NEB: variants seen among roughly 807,000 people sequenced by gnomAD.
NEB encodes the protein nemaline myopathy type 2.
A neutral mutation model predicts 952.2 loss-of-function variants in NEB; 512 were observed. That is an observed-to-expected ratio of 0.54 (90% CI 0.50 to 0.58). The LOEUF (loss-of-function observed/expected upper bound fraction) is 0.58, where lower values mean the gene tolerates loss of function less well. Ranked by LOEUF, NEB falls within the 20% of genes least tolerant of loss-of-function variation. The pLI is 0.00. For synonymous variants in NEB, 2,900 were observed against 3,149.8 expected (o/e 0.92, Z 2.66); for missense variants, 8,428 against 9,231.1 (o/e 0.91, Z 3.56).
intron 170 of NEB, chr2:151,497,928 T>C (rs867344267): frequency 1.4e-6 from 2 of 1,460,578 alleles, no homozygotes; most frequent in African/African-American, 2.9e-5. Context: ...GAGGAAGGGC[T>C]GTCAGAGTTA....
intron 36 of NEB, among the ~76,000 whole-genome samples, chr2:151,673,278 G>A (rs990363730): frequency 6.6e-6 from 1 of 152,120 alleles, no homozygotes; most frequent in African/African-American, 2.4e-5. Context: ...TCTTGTAACA[G>A]GTCAGAACCT....
At position 151,614,312 on chromosome 2, in the gene NEB, G is replaced by T. The variant is rs763599894; in HGVS notation, c.11565C>A (p.Val3855=). The T allele has an allele frequency of 6.2e-7, 1 of 1,613,858 alleles. No homozygotes were observed. Among genetic ancestry groups the T allele is most frequent in the South Asian group, 1.1e-5 (1 of 91,076 alleles). Residue 3855 remains valine, a synonymous_variant, in exon 77 of 182, where the codon GTC becomes GTA. Coordinates refer to ENST00000397345, the MANE Select transcript of NEB (RefSeq NM_001164508.2). ...EWTCLPDQND[V]IQARKAYDLQ... Reference sequence around the variant, plus strand: ...GGTCATAGGCCTTCCGAGCCTGAATGACGTCATTCTGATCAGGCAGGCAGG... The same window carrying T: ...GGTCATAGGCCTTCCGAGCCTGAATTACGTCATTCTGATCAGGCAGGCAGG...
chr2:151,581,982 CT>C (rs898227507), intron 102 of NEB, among the ~76,000 whole-genome samples: 1 of 149,338 alleles, frequency 6.7e-6, no homozygotes, highest in Non-Finnish European at 1.5e-5. Flanking sequence ...TAAAATTATT[CT>C]TTTCCATTTA....
At chr2:151,693,711 T>C (rs907287240) in intron 20 of NEB, among the ~76,000 whole-genome samples, 20 of 152,194 alleles carry the variant, frequency 1.3e-4, no homozygotes, top group African/African-American at 4.3e-4. Context: ...CTGCAATGAA[T>C]ATATGTGTTC....
In NEB at chr2:151,692,073, C is replaced by A; in HGVS notation, c.2092G>T (p.Ala698Ser). ...PYHTHCMKVA[A>S]QNSDKSYKAE... ...TTCAAACTTACATCACTGTTTTGAG[C>A]TGCAACTTTCATGCAGTGTGTGTGA... The change falls in exon 22 of 182, where the codon GCT becomes TCT. Residue 698 changes from alanine (A) to serine (S), a missense_variant. Coordinates refer to ENST00000397345, the MANE Select transcript of NEB (RefSeq NM_001164508.2). 6.2e-7 allele frequency: 1 copy of A among 1,613,902 alleles called. No homozygotes were observed.
In NEB at chr2:151,568,319, G is replaced by A; in HGVS notation, c.17733C>T (p.Asp5911=). ...HTAQEAARIL[D]QYLYKEGWER... ...GGCATGTGGGTGAAACCCATACCTG[G>A]TCCAGTATCCTAGCAGCCTCCTGGG... The change falls in exon 112 of 182, where the codon GAC becomes GAT. Residue 5911 remains aspartate (D), a synonymous_variant. Coordinates refer to ENST00000397345, the MANE Select transcript of NEB (RefSeq NM_001164508.2). 2 of 1,613,122 alleles carry A rather than the reference G, an allele frequency of 1.2e-6. No individual in the cohort carries two copies. Among genetic ancestry groups the A allele is most frequent in the South Asian group, 1.1e-5 (1 of 91,008 alleles).
chr2:151,639,851 T>A lies in NEB; in HGVS notation c.8889+6A>T, dbSNP rs1423121701. ...CCCACTTCGATTCTTAATTTTGAAGTCTCACCTTGTTCATAGTGATGGCAT... is the reference window on the plus strand; with the variant it reads ...CCCACTTCGATTCTTAATTTTGAAGACTCACCTTGTTCATAGTGATGGCAT... On this transcript the variant is annotated splice_donor_region_variant and intron_variant, in intron 62 of 181. Transcript: ENST00000397345. The A allele has an allele frequency of 6.2e-7, 1 of 1,607,808 alleles. No homozygotes were observed. Among genetic ancestry groups the A allele is most frequent in the African/African-American group, 1.3e-5 (1 of 74,866 alleles).
At chr2:151,688,512 C>T in intron 24 of NEB, 116 bp from the exon 25 acceptor site, 3 of 747,806 alleles carry the variant, frequency 4.0e-6, no homozygotes, top group East Asian at 5.4e-5. Flanking sequence ...AAGAGATACT[C>T]AATTCAGTCA....
chr2:151,503,400 A>T lies in NEB; in HGVS notation c.23784T>A (p.Thr7928=). The T allele has an allele frequency of 6.2e-7, 1 of 1,612,938 alleles. No homozygotes were observed. The highest frequency in any genetic ancestry group is 1.3e-5 in the African/African-American group (1 of 75,022). The change falls in exon 166 of 182, where the codon ACT becomes ACA. Residue 7928 remains threonine (T), a synonymous_variant. Transcript: ENST00000397345. ...KENLGTGIPT[T]VTPEIERVKR... is the part of the protein sequence containing the mutation. ...TGACTCTCTCAATCTCTGGAGTCAC[A>T]GTGGTTGGAATGCCTGTTCCCAAGT... is the stretch of plus-strand genomic sequence containing the variant.
intron 92 of NEB, among the ~76,000 whole-genome samples, chr2:151,595,354 T>G (rs2097405632): frequency 3.9e-5 from 6 of 152,148 alleles, no homozygotes. Flanking sequence ...CAGGTTCAAG[T>G]GATTCTCCTG....
intron 103 of NEB, 58 bp downstream of exon 103, chr2:151,581,425 T>A (rs1185641441): frequency 2.0e-6 from 1 of 489,736 alleles, no homozygotes; most frequent in East Asian, 3.3e-5. Context: ...GGGTGTATAA[T>A]AAAAGGTTTG....
intron 181 of NEB, among the ~76,000 whole-genome samples, chr2:151,487,154 T>C (rs1316236649): frequency 6.6e-6 from 1 of 152,190 alleles, no homozygotes; most frequent in Non-Finnish European, 1.5e-5. Context: ...AGTCTTGTAT[T>C]TTAGAGAAGA....
At chr2:151,723,750 G>GTTTTTTTTTTTTTTTTTTTTTTTTT (rs11308757) in intron 8 of NEB, among the ~76,000 whole-genome samples, 2 of 51,364 alleles carry the variant, frequency 3.9e-5, no homozygotes, top group Non-Finnish European at 7.4e-5. Flanking sequence ...TGCCTTCTTT[G>GTTTTTTTTTTTTTTTTTTTTTTTTT]TTTTTTTTTT....
chr2:151,715,444 T>TA (rs1380046112), intron 10 of NEB, among the ~76,000 whole-genome samples: 2 of 152,210 alleles, frequency 1.3e-5, no homozygotes, highest in African/African-American at 4.8e-5. Context: ...GTTGAAGACC[T>TA]AACTCACAAG....
chr2:151,499,847 A>G (rs9287979), intron 168 of NEB, among the ~76,000 whole-genome samples: 90,155 of 152,016 alleles, frequency 0.59, 27,141 homozygotes, highest in Admixed American at 0.7. Context: ...GAGATGGTCA[A>G]GTATAGAGGT....
chr2:151,703,080 G>A (rs1438303437), intron 13 of NEB, among the ~76,000 whole-genome samples: 10 of 150,628 alleles, frequency 6.6e-5, no homozygotes, highest in African/African-American at 2.0e-4. Flanking sequence ...CTCAGCATTT[G>A]CTTGTCTGTA....
In NEB at chr2:151,616,127, A is replaced by G; in HGVS notation, c.11182-18T>C. 1.3e-6 allele frequency: 2 copies of G among 1,537,502 alleles called. No individual in the cohort carries two copies. The highest frequency in any genetic ancestry group is 1.7e-4 in the Middle Eastern group (1 of 5,930). On this transcript the variant is annotated intron_variant, in intron 75 of 181. Coordinates refer to ENST00000397345, the MANE Select transcript of NEB (RefSeq NM_001164508.2). ...TAGAGTTTCTGTAGAAAAGAAAGTCATTACTCATTTACTCCTTCCATAAAA... is the reference window on the plus strand; with the variant it reads ...TAGAGTTTCTGTAGAAAAGAAAGTCGTTACTCATTTACTCCTTCCATAAAA...
chr2:151,535,403 C>T (rs2092935840), intron 142 of NEB, among the ~76,000 whole-genome samples: 2 of 152,112 alleles, frequency 1.3e-5, no homozygotes, highest in Admixed American at 1.3e-4. Context: ...AATCCTTTAC[C>T]TGCCTGGTAT....
At position 151,609,865 on chromosome 2, in the gene NEB, T is replaced by G. The variant is rs771158409; in HGVS notation, c.12274A>C (p.Met4092Leu). ...YRNYLHEWTC[M>L]PDQNDIIQAK... ...TGGATAATGTCGTTTTGATCCGGCATGCATGTCCATTCATGCAGGTAATTG... is the reference window on the plus strand; with the variant it reads ...TGGATAATGTCGTTTTGATCCGGCAGGCATGTCCATTCATGCAGGTAATTG... The change falls in exon 81 of 182, where the codon ATG (methionine) becomes CTG (leucine). Residue 4092 changes from methionine to leucine, a missense_variant. Physicochemically the swap from Met to Leu is conservative, Grantham distance 15. Coordinates refer to ENST00000397345, the MANE Select transcript of NEB (RefSeq NM_001164508.2). 6.2e-7 allele frequency: 1 copy of G among 1,611,818 alleles called. No individual in the cohort carries two copies. Among genetic ancestry groups the G allele is most frequent in the Non-Finnish European group, 8.5e-7 (1 of 1,178,124 alleles).
Sources: allele counts gnomAD v4.1 joint callset (sites outside exome capture counted in the v4.1 genomes callset), GRCh38; gene constraint gnomAD v4.1.1; transcripts MANE v1.5; gene names NCBI Gene and HGNC (gene_info 2026-07-23, HGNC 2026-07-21).